The following LPP variants were observed in gnomAD, a reference collection of about 807,000 sequenced individuals.
LPP encodes the protein LIM domain containing preferred translocation partner in lipoma, also known as lipoma-preferred partner.
In LPP, 38 loss-of-function variants were observed where a neutral mutation model predicts 60.4. The observed-to-expected ratio is 0.63, with a 90% CI of 0.49 to 0.83. The LOEUF is 0.83. Ranked by LOEUF, LPP falls within the 40% of genes least tolerant of loss-of-function variation. The pLI is 0.00. For synonymous variants in LPP, 328 were observed against 290.8 expected, an observed-to-expected ratio of 1.13 and a Z score of -1.30; for missense variants, 902 against 783.6, an observed-to-expected ratio of 1.15 and a Z score of -1.80.
At chr3:188,582,071 A>G (rs1174869116) in intron 6 of LPP, among the ~76,000 whole-genome samples, 1 of 150,356 alleles carries the variant, frequency 6.7e-6, no homozygotes, top group African/African-American at 2.5e-5. Flanking sequence ...TCTTCCTACC[A>G]TTCTGAACAA....
intron 4 of LPP, among the ~76,000 whole-genome samples, chr3:188,413,082 A>G (rs1785264568): frequency 6.6e-6 from 1 of 152,130 alleles, no homozygotes; most frequent in East Asian, 1.9e-4. Context: ...GCCATTAGTG[A>G]TGTGAAGCCA....
chr3:188,760,770 T>C (rs1008731958), intron 9 of LPP, among the ~76,000 whole-genome samples: 1 of 152,200 alleles, frequency 6.6e-6, no homozygotes, highest in African/African-American at 2.4e-5. Flanking sequence ...TCTACCAAAA[T>C]GTTTCTTCCC....
At chr3:188,535,534 CAT>C (rs1347360597) in intron 6 of LPP, among the ~76,000 whole-genome samples, 2 of 152,082 alleles carry the variant, frequency 1.3e-5, no homozygotes, top group Non-Finnish European at 2.9e-5. Flanking sequence ...AGAGTTAGCA[CAT>C]GACAAAGTTA....
At chr3:188,745,397 A>T (rs937887211) in intron 8 of LPP, among the ~76,000 whole-genome samples, 1 of 152,182 alleles carries the variant, frequency 6.6e-6, no homozygotes, top group Non-Finnish European at 1.5e-5. Context: ...TCAATCTTAC[A>T]GGAAGTTACA....
chr3:188,229,992 A>G (rs1193129632), intron 2 of LPP, among the ~76,000 whole-genome samples: 1 of 152,170 alleles, frequency 6.6e-6, no homozygotes, highest in Non-Finnish European at 1.5e-5. Flanking sequence ...CATGATCTTT[A>G]GGAAACTATG....
chr3:188,672,063 A>G (rs1052600094), intron 7 of LPP, among the ~76,000 whole-genome samples: 3 of 152,228 alleles, frequency 2.0e-5, no homozygotes, highest in Non-Finnish European at 4.4e-5. Context: ...TCGTGTTTGC[A>G]TTTTGAATGC....
At chr3:188,343,700 C>A (rs866743020) in intron 3 of LPP, among the ~76,000 whole-genome samples, 4 of 152,160 alleles carry the variant, frequency 2.6e-5, no homozygotes, top group South Asian at 2.1e-4. Context: ...GAGGAATTTT[C>A]TCTCTTTCTC....
At chr3:188,664,719 G>T (rs1855394064) in intron 7 of LPP, among the ~76,000 whole-genome samples, 6 of 151,868 alleles carry the variant, frequency 4.0e-5, no homozygotes, top group Admixed American at 3.9e-4. Context: ...TAACGTTGAG[G>T]TTATCCATAT....
intron 1 of LPP, among the ~76,000 whole-genome samples, chr3:188,175,533 A>G (rs1722820257): frequency 6.6e-6 from 1 of 152,200 alleles, no homozygotes; most frequent in African/African-American, 2.4e-5. Flanking sequence ...AGAAAATAGT[A>G]CTCATTGGGA....
chr3:188,280,015 A>G (rs569972658), intron 2 of LPP, among the ~76,000 whole-genome samples: 80 of 152,178 alleles, frequency 5.3e-4, no homozygotes, highest in Non-Finnish European at 9.1e-4. Flanking sequence ...GTGTTTATTT[A>G]TTTGTCTGTG....
At chr3:188,398,009 G>A (rs768939662) in intron 3 of LPP, among the ~76,000 whole-genome samples, 61 of 152,224 alleles carry the variant, frequency 4.0e-4, no homozygotes, top group African/African-American at 1.1e-3. Flanking sequence ...CTGAAATGCC[G>A]CTGAGTTTTT....
chr3:188,695,166 A>G (rs776099417), intron 7 of LPP, among the ~76,000 whole-genome samples: 1 of 152,198 alleles, frequency 6.6e-6, no homozygotes, highest in Non-Finnish European at 1.5e-5. Flanking sequence ...CCTACTAAGC[A>G]CTCAGAATAC....
chr3:188,757,120 T>C (rs1425327082), intron 8 of LPP, among the ~76,000 whole-genome samples: 1 of 152,192 alleles, frequency 6.6e-6, no homozygotes, highest in African/African-American at 2.4e-5. Context: ...CCCCTGTGAG[T>C]GTGGTTTTCC....
intron 9 of LPP, among the ~76,000 whole-genome samples, chr3:188,769,707 T>C (rs1307569591): frequency 6.6e-6 from 1 of 152,200 alleles, no homozygotes; most frequent in Non-Finnish European, 1.5e-5. Context: ...TGAGTCTTCA[T>C]GAGGCCTTCA....
At chr3:188,779,819 A>G (rs775471667) in intron 9 of LPP, among the ~76,000 whole-genome samples, 1 of 152,196 alleles carries the variant, frequency 6.6e-6, no homozygotes, top group Non-Finnish European at 1.5e-5. Flanking sequence ...TACATCTTCC[A>G]CTTGGCAGCC....
intron 3 of LPP, among the ~76,000 whole-genome samples, chr3:188,376,759 T>C (rs970990227): frequency 1.3e-5 from 2 of 152,198 alleles, no homozygotes; most frequent in African/African-American, 4.8e-5. Context: ...TGATGTTAGC[T>C]GGTTATTTTG....
At chr3:188,717,672 A>G (rs1303850509) in intron 8 of LPP, among the ~76,000 whole-genome samples, 1 of 152,156 alleles carries the variant, frequency 6.6e-6, no homozygotes, top group Non-Finnish European at 1.5e-5. Flanking sequence ...GGCATATTAG[A>G]TATATTTTCT....
rs574288534 is a variant in LPP at position 188,410,162 on chromosome 3, G to A, written c.193+3849G>A. ...CTAGCAGGATACCTGACACATACTA[G>A]GAACTCAATAGTGTTTGCAGAACTG... On this transcript the variant is annotated intron_variant, in intron 4 of 11. Transcript: ENST00000617246. Among the ~76,000 whole-genome samples, 9 of 152,256 alleles carry A rather than the reference G, an allele frequency of 5.9e-5. No individual in the cohort carries two copies. The East Asian group carries it at 1.7e-3, about 29-fold the overall frequency.
intron 9 of LPP, among the ~76,000 whole-genome samples, chr3:188,794,396 A>T (rs892472537): frequency 2.6e-5 from 4 of 152,200 alleles, no homozygotes; most frequent in Non-Finnish European, 4.4e-5. Context: ...CACCAGCATA[A>T]AAGGTGAATT....
Sources: allele counts gnomAD v4.1 joint callset (sites outside exome capture counted in the v4.1 genomes callset), GRCh38; gene constraint gnomAD v4.1.1; transcripts MANE v1.5; gene names NCBI Gene and HGNC (gene_info 2026-07-23, HGNC 2026-07-21).